Variants in ACBD6 observed in about 807,000 individuals in gnomAD.
The protein encoded by ACBD6 is acyl-CoA-binding domain-containing protein 6.
ACBD6 carries 28 observed loss-of-function variants against 37.2 expected under a neutral mutation model. The ratio of observed to expected loss-of-function variants is 0.75; its 90% confidence interval spans 0.56 to 1.03. ACBD6 has a LOEUF of 1.03. ACBD6 is among the 50% of genes least tolerant of loss of function. ACBD6 has a pLI of 0.00. For missense variants in ACBD6, 340 were observed against 337.4 expected (o/e 1.01, Z -0.06); for synonymous variants, 113 against 126.8 (o/e 0.89, Z 0.73).
intron 3 of ACBD6, chr1:180,434,914 C>A (rs762607531): frequency 7.7e-6 from 6 of 776,730 alleles, no homozygotes; most frequent in African/African-American, 5.1e-5. Flanking sequence ...TTGGAATTTA[C>A]AAGCTCAGGC....
chr1:180,465,018 C>A (rs185523794), intron 3 of ACBD6, among the ~76,000 whole-genome samples: 2 of 152,052 alleles, frequency 1.3e-5, no homozygotes, highest in African/African-American at 2.4e-5. Context: ...TTACATCGTA[C>A]ACAAAAATCA....
intron 3 of ACBD6, among the ~76,000 whole-genome samples, chr1:180,470,778 G>A (rs577115072): frequency 1.2e-3 from 179 of 152,090 alleles, no homozygotes; most frequent in Non-Finnish European, 2.1e-3. Flanking sequence ...CATCATATCC[G>A]GGCATTAAGA....
At chr1:180,373,212 TA>T (rs936860568) in intron 6 of ACBD6, among the ~76,000 whole-genome samples, 1 of 152,230 alleles carries the variant, frequency 6.6e-6, no homozygotes, top group Admixed American at 6.5e-5. Flanking sequence ...TTACCTCATT[TA>T]TTTTTTATTT....
intron 3 of ACBD6, among the ~76,000 whole-genome samples, chr1:180,466,803 G>C (rs923243744): frequency 6.6e-6 from 1 of 151,908 alleles, no homozygotes; most frequent in African/African-American, 2.4e-5. Flanking sequence ...TTGGTTCCCT[G>C]TCTGTGAAAA....
chr1:180,378,154 T>C (rs1003288546), intron 6 of ACBD6, among the ~76,000 whole-genome samples: 2 of 152,116 alleles, frequency 1.3e-5, no homozygotes, highest in Non-Finnish European at 2.9e-5. Context: ...CATAATATTA[T>C]GAATCCCTTA....
chr1:180,369,978 T>C (rs1191509065), intron 6 of ACBD6, among the ~76,000 whole-genome samples: 2 of 152,228 alleles, frequency 1.3e-5, no homozygotes, highest in African/African-American at 4.8e-5. Context: ...CTTTTTTTCT[T>C]TTCCATAAAT....
chr1:180,423,039 G>A (rs1353177642), intron 4 of ACBD6, among the ~76,000 whole-genome samples: 2 of 152,114 alleles, frequency 1.3e-5, no homozygotes, highest in African/African-American at 2.4e-5. Context: ...CCTACATTGT[G>A]ATGAACTTTT....
At chr1:180,317,234 A>T (rs1276198270) in intron 6 of ACBD6, among the ~76,000 whole-genome samples, 1 of 152,236 alleles carries the variant, frequency 6.6e-6, no homozygotes, top group African/African-American at 2.4e-5. Context: ...AGTGTGGTCA[A>T]AGAAGCTAGA....
At chr1:180,341,440 C>CA (rs1211504750) in intron 6 of ACBD6, among the ~76,000 whole-genome samples, 4 of 152,112 alleles carry the variant, frequency 2.6e-5, no homozygotes, top group African/African-American at 9.6e-5. Context: ...AGAATGAAAA[C>CA]AGGGATTATC....
chr1:180,381,620 T>C (rs1391259563), intron 6 of ACBD6, among the ~76,000 whole-genome samples: 1 of 152,076 alleles, frequency 6.6e-6, no homozygotes, highest in Non-Finnish European at 1.5e-5. Context: ...GAATCACCAT[T>C]GGGTCAAGAG....
At chr1:180,498,408 T>C (rs1651816887) in intron 1 of ACBD6, among the ~76,000 whole-genome samples, 1 of 152,208 alleles carries the variant, frequency 6.6e-6, no homozygotes, top group Admixed American at 6.5e-5. Context: ...TAAGTAAAAT[T>C]GGAAAAGAAT....
At chr1:180,431,975 G>A (rs979960091) in intron 3 of ACBD6, among the ~76,000 whole-genome samples, 2 of 152,182 alleles carry the variant, frequency 1.3e-5, no homozygotes, top group Non-Finnish European at 2.9e-5. Flanking sequence ...GGAGGCTGAG[G>A]CAGGTGGATC....
intron 7 of ACBD6, among the ~76,000 whole-genome samples, chr1:180,313,192 A>G (rs1650660468): frequency 6.6e-6 from 1 of 152,136 alleles, no homozygotes; most frequent in Admixed American, 6.6e-5. Context: ...ATTTTATTTC[A>G]GATTTTTGCA....
chr1:180,471,900 T>C (rs1334427905), intron 3 of ACBD6, among the ~76,000 whole-genome samples: 4 of 152,228 alleles, frequency 2.6e-5, no homozygotes, highest in Non-Finnish European at 5.9e-5. Flanking sequence ...CAAGTATGGT[T>C]GGTATAGCAA....
At chr1:180,276,967 A>T (rs1649075184) in intron 9 of ACBD6, 1 of 152,198 alleles carries the variant, frequency 6.6e-6, no homozygotes, top group Non-Finnish European at 1.5e-5. Context: ...TATACTAATA[A>T]TATAATAAAT....
chr1:180,490,887 G>A (rs540041803), intron 3 of ACBD6, among the ~76,000 whole-genome samples: 1 of 150,046 alleles, frequency 6.7e-6, no homozygotes, highest in East Asian at 2.0e-4. Flanking sequence ...GAACCTGGGA[G>A]GTGGAGGTTA....
At chr1:180,337,198 A>C (rs1215908944) in intron 6 of ACBD6, among the ~76,000 whole-genome samples, 8 of 152,008 alleles carry the variant, frequency 5.3e-5, no homozygotes, top group African/African-American at 4.8e-5. Flanking sequence ...GAGACACAAC[A>C]AAAAAAGAGA....
intron 3 of ACBD6, among the ~76,000 whole-genome samples, chr1:180,479,031 G>A (rs1401187995): frequency 7.2e-5 from 11 of 152,176 alleles, no homozygotes; most frequent in African/African-American, 2.7e-4. Context: ...TACTCAGGAC[G>A]CCAAGGTGGG....
intron 5 of ACBD6, among the ~76,000 whole-genome samples, chr1:180,409,153 G>A (rs886855596): frequency 2.4e-4 from 36 of 151,968 alleles, no homozygotes; most frequent in African/African-American, 8.7e-4. Context: ...AAAAAAAAGA[G>A]AAAATTTTTG....
Sources: gnomAD v4.1 joint callset for allele counts (sites outside exome capture counted in the v4.1 genomes callset) on GRCh38, gnomAD v4.1.1 for gene constraint, MANE v1.5 for transcripts, NCBI Gene and HGNC (gene_info 2026-07-23, HGNC 2026-07-21) for gene names.